ST18: variants seen among roughly 807,000 people sequenced by gnomAD.
ST18 encodes the protein suppression of tumorigenicity 18 protein.
ST18 carries 50 observed loss-of-function variants against 110.0 expected under a neutral mutation model. That is an observed-to-expected ratio of 0.45 (90% CI 0.36 to 0.58). ST18 has a LOEUF of 0.58. Among genes scored for constraint, ST18 ranks in the 20% least tolerant of loss-of-function variants. The pLI, the probability that ST18 is intolerant of heterozygous loss-of-function variation, is 0.00. For synonymous variants in ST18, 461 were observed against 452.4 expected (o/e 1.02, Z -0.24); for missense variants, 1,306 against 1,280.1 (o/e 1.02, Z -0.31).
intron 2 of ST18, among the ~76,000 whole-genome samples, chr8:52,286,062 C>A (rs1360756802): frequency 2.0e-5 from 3 of 152,166 alleles, no homozygotes; most frequent in Non-Finnish European, 4.4e-5. Flanking sequence ...CTGCTATTTT[C>A]TTGCCAAAAG....
intron 8 of ST18, among the ~76,000 whole-genome samples, chr8:52,181,666 G>A (rs1219417634): frequency 1.3e-5 from 2 of 152,112 alleles, no homozygotes; most frequent in Non-Finnish European, 2.9e-5. Context: ...TACAGAATAT[G>A]GAGCAAAATG....
At position 52,319,103 on chromosome 8, in the gene ST18, A is replaced by T. The variant is rs1044763438; in HGVS notation, c.-464-89026T>A. Among the ~76,000 whole-genome samples the T allele has an allele frequency of 3.9e-5, 6 of 152,240 alleles. 1 individual carries two copies. The highest frequency in any genetic ancestry group is 3.4e-3 in the Middle Eastern group (1 of 294). On this transcript the variant is annotated intron_variant, in intron 2 of 25. Coordinates refer to ENST00000689386, the MANE Select transcript of ST18 (RefSeq NM_001352837.2). The stretch of plus-strand genomic sequence containing the variant: ...AACTTAAAATAAAAGTTGGAAATTT[A>T]AAAAAAATTATTTTTAAGGACACTA...
At chr8:52,282,062 G>A (rs1186056319) in intron 2 of ST18, among the ~76,000 whole-genome samples, 1 of 152,094 alleles carries the variant, frequency 6.6e-6, no homozygotes. Flanking sequence ...AAATTAAAAA[G>A]CTAAGCTCTC....
chr8:52,385,365 C>G (rs1420796820), intron 2 of ST18, among the ~76,000 whole-genome samples: 1 of 152,102 alleles, frequency 6.6e-6, no homozygotes, highest in African/African-American at 2.4e-5. Context: ...TTTGGGAGGC[C>G]AAGGCAGGCG....
At chr8:52,145,532 T>A (rs1293581202) in intron 16 of ST18, among the ~76,000 whole-genome samples, 1 of 152,196 alleles carries the variant, frequency 6.6e-6, no homozygotes, top group Non-Finnish European at 1.5e-5. Flanking sequence ...AATAATTAGT[T>A]TTGTTATGGA....
At chr8:52,401,699 T>C (rs752362938) in intron 2 of ST18, among the ~76,000 whole-genome samples, 2 of 152,162 alleles carry the variant, frequency 1.3e-5, no homozygotes, top group Non-Finnish European at 2.9e-5. Flanking sequence ...CTCATTCAGA[T>C]CATGAATTGT....
Position 52,211,780 on chromosome 8 carries a change from G to A in ST18, c.86+299C>T, listed in dbSNP as rs566357543. On this transcript the variant is annotated intron_variant, in intron 8 of 25. Transcript: ENST00000689386. ...CTGACCATCAGTGTGAAATCCAACC[G>A]CATGCAAGGTGTGCACAAAGGGATC... Among the ~76,000 whole-genome samples, 107 of 152,240 alleles carry A rather than the reference G, an allele frequency of 7.0e-4. 1 individual carries two copies. The highest frequency in any genetic ancestry group is 2.4e-3 in the African/African-American group (101 of 41,532).
chr8:52,278,750 T>C (rs772905752), intron 2 of ST18, among the ~76,000 whole-genome samples: 1 of 152,178 alleles, frequency 6.6e-6, no homozygotes, highest in Non-Finnish European at 1.5e-5. Context: ...TACCTAGATA[T>C]GCAGAGTAAA....
intron 2 of ST18, among the ~76,000 whole-genome samples, chr8:52,387,887 C>T (rs1376430009): frequency 2.6e-5 from 4 of 152,106 alleles, no homozygotes; most frequent in East Asian, 1.9e-4. Flanking sequence ...AACATAACTT[C>T]CTGTTTTGAG....
chr8:52,321,544 CT>C (rs1803912957), intron 2 of ST18, among the ~76,000 whole-genome samples: 1 of 152,092 alleles, frequency 6.6e-6, no homozygotes, highest in South Asian at 2.1e-4. Flanking sequence ...TATTTTGTTG[CT>C]TTTGGCTGAT....
intron 8 of ST18, among the ~76,000 whole-genome samples, chr8:52,208,653 C>T (rs1390522270): frequency 6.6e-6 from 1 of 152,098 alleles, no homozygotes; most frequent in Admixed American, 6.5e-5. Context: ...GGTGAAACCC[C>T]GTCTCTACTA....
chr8:52,309,146 TG>T (rs780961882), intron 2 of ST18, among the ~76,000 whole-genome samples: 3 of 152,132 alleles, frequency 2.0e-5, no homozygotes, highest in Non-Finnish European at 4.4e-5. Flanking sequence ...AAGTAAATGC[TG>T]AGGGAGTGAG....
intron 16 of ST18, among the ~76,000 whole-genome samples, chr8:52,145,283 T>C (rs980311804): frequency 6.6e-6 from 1 of 152,140 alleles, no homozygotes; most frequent in African/African-American, 2.4e-5. Context: ...CTAAATAATA[T>C]AAACATAAAG....
In ST18 at chr8:52,167,095, A is replaced by G; in HGVS notation, c.1070-109T>C. On this transcript the variant is annotated intron_variant, in intron 10 of 25. Transcript: ENST00000689386. ...TCTCACTTTATTCAGTTTTACCGTT[A>G]TAAACATTCTTCTCACATCGCCTTG... 2.9e-6 allele frequency: 4 copies of G among 1,397,794 alleles called. No homozygotes were observed. In the South Asian group the frequency reaches 6.2e-5, roughly 22 times the overall value. The allele number at this position is 1,397,794 out of a possible 1,614,324, so 86.6% of individuals were successfully genotyped here. A position where few individuals can be genotyped will look rare whatever the true frequency, so the allele number is the denominator to read the frequency against.
chr8:52,119,447 T>G (rs1351943080), intron 23 of ST18, among the ~76,000 whole-genome samples: 1 of 152,120 alleles, frequency 6.6e-6, no homozygotes, highest in Non-Finnish European at 1.5e-5. Context: ...TAGGAGCAAT[T>G]TCATGAGAGA....
At chr8:52,304,282 G>A (rs2095778336) in intron 2 of ST18, among the ~76,000 whole-genome samples, 3 of 152,136 alleles carry the variant, frequency 2.0e-5, no homozygotes, top group Admixed American at 2.0e-4. Flanking sequence ...AATACTGGAA[G>A]TATTTCTTAA....
chr8:52,209,786 A>ATAT (rs778525182), intron 8 of ST18, among the ~76,000 whole-genome samples: 20 of 133,540 alleles, frequency 1.5e-4, no homozygotes, highest in East Asian at 8.4e-4. Context: ...AAAAAAAAAA[A>ATAT]AAATATATAT....
intron 2 of ST18, among the ~76,000 whole-genome samples, chr8:52,400,474 G>A (rs142883397): frequency 4.0e-4 from 61 of 151,940 alleles, no homozygotes; most frequent in African/African-American, 1.3e-3. Context: ...AATTGTTTTC[G>A]GTTGTTTTGT....
chr8:52,270,108 A>T (rs4324937), intron 2 of ST18, among the ~76,000 whole-genome samples: 1 of 152,366 alleles, frequency 6.6e-6, no homozygotes, highest in South Asian at 2.1e-4. Context: ...TAAAAGAATG[A>T]CAATAATTTG....
Sources: gnomAD v4.1 joint callset for allele counts (sites outside exome capture counted in the v4.1 genomes callset) on GRCh38, gnomAD v4.1.1 for gene constraint, MANE v1.5 for transcripts, NCBI Gene and HGNC (gene_info 2026-07-23, HGNC 2026-07-21) for gene names.